CAMTA1: variants seen among roughly 807,000 people sequenced by gnomAD.
The protein encoded by CAMTA1 is calmodulin-binding transcription activator 1.
CAMTA1 carries 27 observed loss-of-function variants against 170.9 expected under a neutral mutation model. That is an observed-to-expected ratio of 0.16 (90% CI 0.12 to 0.22). The LOEUF (loss-of-function observed/expected upper bound fraction) is 0.22. CAMTA1 is among the 10% of genes least tolerant of loss of function. The pLI is 1.00. For synonymous variants in CAMTA1, 833 were observed against 891.5 expected (o/e 0.93, Z 1.17); for missense variants, 1,619 against 2,217.2 (o/e 0.73, Z 5.42).
At chr1:6,884,291 G>GACACACACACACACACACAC (rs112571156) in intron 3 of CAMTA1, among the ~76,000 whole-genome samples, 2 of 136,550 alleles carry the variant, frequency 1.5e-5, no homozygotes. Flanking sequence ...ATTCTCTAGA[G>GACACACACACACACACACAC]ACACACACAC....
intron 11 of CAMTA1, among the ~76,000 whole-genome samples, chr1:7,706,547 T>C (rs535637564): frequency 1.1e-4 from 17 of 152,282 alleles, no homozygotes; most frequent in African/African-American, 3.6e-4. Flanking sequence ...AGAAAAAAAA[T>C]AGTTATTATT....
chr1:7,231,861 G>C (rs1193060202), intron 4 of CAMTA1, among the ~76,000 whole-genome samples: 1 of 152,184 alleles, frequency 6.6e-6, no homozygotes, highest in African/African-American at 2.4e-5. Flanking sequence ...TAAAGGAAAG[G>C]CTTCTTATAG....
At chr1:7,158,818 T>C (rs1482473199) in intron 4 of CAMTA1, among the ~76,000 whole-genome samples, 1 of 152,184 alleles carries the variant, frequency 6.6e-6, no homozygotes, top group African/African-American at 2.4e-5. Flanking sequence ...CATGCACATC[T>C]GGTAAAACTA....
At chr1:7,330,735 G>A (rs993109693) in intron 5 of CAMTA1, among the ~76,000 whole-genome samples, 3 of 152,208 alleles carry the variant, frequency 2.0e-5, no homozygotes, top group African/African-American at 7.2e-5. Context: ...AGTTATAAGA[G>A]AAAAAAGTAT....
At chr1:7,274,855 A>G (rs962728606) in intron 5 of CAMTA1, among the ~76,000 whole-genome samples, 1 of 152,106 alleles carries the variant, frequency 6.6e-6, no homozygotes, top group African/African-American at 2.4e-5. Flanking sequence ...AAACTAGAAA[A>G]TATTGGCTGA....
At chr1:7,444,401 TGA>T (rs2092627959) in intron 5 of CAMTA1, among the ~76,000 whole-genome samples, 1 of 152,204 alleles carries the variant, frequency 6.6e-6, no homozygotes, top group Non-Finnish European at 1.5e-5. Flanking sequence ...GGCACCAGCC[TGA>T]GCAGGTCTCA....
chr1:7,463,240 G>A lies in CAMTA1; in HGVS notation c.439-4590G>A, dbSNP rs1312657984. Among the ~76,000 whole-genome samples the A allele has an allele frequency of 2.6e-5, 4 of 152,138 alleles. No individual in the cohort carries two copies. Among genetic ancestry groups the A allele is most frequent in the South Asian group, 4.2e-4 (2 of 4,818 alleles). ...TTGGGTAAGTTGCTGAATCCTCTGCGGCTTCCCCCAGGCAGGGCATGGGAG... is the reference window on the plus strand; with the variant it reads ...TTGGGTAAGTTGCTGAATCCTCTGCAGCTTCCCCCAGGCAGGGCATGGGAG... On this transcript the variant is annotated intron_variant, in intron 5 of 22. Transcript: ENST00000303635. The surrounding 1 kb of genome is among the most constrained non-coding windows in gnomAD (Gnocchi z 4.7).
chr1:7,099,297 C>T (rs1176530055), intron 4 of CAMTA1, among the ~76,000 whole-genome samples: 8 of 152,254 alleles, frequency 5.3e-5, no homozygotes, highest in African/African-American at 1.4e-4. Flanking sequence ...GTGATCTGCC[C>T]GCCTCGGCCT....
intron 4 of CAMTA1, among the ~76,000 whole-genome samples, chr1:7,167,666 G>A (rs1289044009): frequency 6.6e-6 from 1 of 152,074 alleles, no homozygotes; most frequent in Non-Finnish European, 1.5e-5. Context: ...ATTTTGATTG[G>A]AATTACATTA....
At chr1:7,343,354 T>C (rs570888074) in intron 5 of CAMTA1, among the ~76,000 whole-genome samples, 30 of 152,154 alleles carry the variant, frequency 2.0e-4, no homozygotes, top group Non-Finnish European at 3.8e-4. Flanking sequence ...CTCTCCATCA[T>C]TCAATTCGGG....
chr1:7,043,994 A>G (rs1381495795), intron 3 of CAMTA1, among the ~76,000 whole-genome samples: 1 of 152,166 alleles, frequency 6.6e-6, no homozygotes, highest in Non-Finnish European at 1.5e-5. Flanking sequence ...TTTGGAGGAT[A>G]TAGGTCTAGG....
intron 11 of CAMTA1, among the ~76,000 whole-genome samples, chr1:7,698,086 C>T (rs978622269): frequency 3.5e-5 from 5 of 142,572 alleles, no homozygotes; most frequent in East Asian, 2.1e-4. Flanking sequence ...CCCCCCCCCC[C>T]CCACCAACAT....
At chr1:6,786,250 C>G (rs1005747605) in intron 1 of CAMTA1, among the ~76,000 whole-genome samples, 5 of 152,032 alleles carry the variant, frequency 3.3e-5, no homozygotes, top group African/African-American at 4.8e-5. Flanking sequence ...GACCCCTCCC[C>G]CTTCGCTTCC....
In CAMTA1 at chr1:6,971,920, A is replaced by G. The variant is rs577561894; in HGVS notation, c.235-119384A>G. 6.0e-4 allele frequency among the ~76,000 whole-genome samples: 91 copies of G among 152,204 alleles called. No homozygotes were observed. The highest frequency in any genetic ancestry group is 2.1e-3 in the African/African-American group (88 of 41,516). ...AGCTGGCCTGGAGAGAGGAGAGGAG[A>G]GCATCGCGGGCAGGTGCTGAGGGTT... On this transcript the variant is annotated intron_variant, in intron 3 of 22. Coordinates refer to ENST00000303635, the MANE Select transcript of CAMTA1 (RefSeq NM_015215.4). The surrounding 1 kb of genome is among the most constrained non-coding windows in gnomAD (Gnocchi z 4.6).
At chr1:6,945,632 C>G (rs1687444677) in intron 3 of CAMTA1, among the ~76,000 whole-genome samples, 1 of 152,164 alleles carries the variant, frequency 6.6e-6, no homozygotes, top group Non-Finnish European at 1.5e-5. Context: ...AGGCGTGAAC[C>G]ACTGTACCCA....
chr1:7,564,003 T>C (rs1039902720), intron 6 of CAMTA1, among the ~76,000 whole-genome samples: 1 of 152,184 alleles, frequency 6.6e-6, no homozygotes, highest in African/African-American at 2.4e-5. Flanking sequence ...TTGGGTGTCA[T>C]GACTGATCTA....
At chr1:6,830,594 C>T (rs1447017496) in intron 3 of CAMTA1, among the ~76,000 whole-genome samples, 6 of 152,136 alleles carry the variant, frequency 3.9e-5, no homozygotes, top group Admixed American at 2.6e-4. Flanking sequence ...CCGCCTGCCT[C>T]AGCCTCCCAA....
intron 5 of CAMTA1, among the ~76,000 whole-genome samples, chr1:7,341,224 T>C (rs2083803041): frequency 1.3e-5 from 2 of 152,208 alleles, no homozygotes; most frequent in South Asian, 4.1e-4. Flanking sequence ...AGCTTCCCCA[T>C]GGCTGGAATA....
At position 7,685,944 on chromosome 1, in the gene CAMTA1, G is replaced by A. The variant is rs935318554; in HGVS notation, c.2914+8211G>A. 3.9e-5 allele frequency among the ~76,000 whole-genome samples: 6 copies of A among 152,158 alleles called. No homozygotes were observed. In the South Asian group the frequency reaches 6.2e-4, roughly 16 times the overall value. ...GTCACCCCTTGCTCACTCCCTCCCC[G>A]ACATCCCAATACTAGCCTAGCATGT... On this transcript the variant is annotated intron_variant, in intron 11 of 22. Transcript: ENST00000303635. This position sits in a 1 kb window ranked among gnomAD's most constrained non-coding sequence, Gnocchi z 5.7.
Sources: gnomAD v4.1 joint callset for allele counts (sites outside exome capture counted in the v4.1 genomes callset) on GRCh38, gnomAD v4.1.1 for gene constraint, Gnocchi (gnomAD v3.1) non-coding constraint, MANE v1.5 for transcripts, NCBI Gene and HGNC (gene_info 2026-07-23, HGNC 2026-07-21) for gene names.